MED13L: variants seen among roughly 807,000 people sequenced by gnomAD.
MED13L encodes the protein mediator complex subunit 13L.
MED13L carries 7 observed loss-of-function variants against 220.9 expected under a neutral mutation model. That is an observed-to-expected ratio of 0.03 (90% CI 0.02 to 0.06). The LOEUF (loss-of-function observed/expected upper bound fraction) is 0.06, where lower values mean the gene tolerates loss of function less well. Ranked by LOEUF, MED13L falls within the 10% of genes least tolerant of loss-of-function variation. The pLI is 1.00. For synonymous variants in MED13L, 1,011 were observed against 1,015.2 expected (o/e 1.00, Z 0.08); for missense variants, 1,965 against 2,760.5 (o/e 0.71, Z 6.46).
At chr12:116,256,943 G>A (rs1471815270) in intron 1 of MED13L, among the ~76,000 whole-genome samples, 1 of 152,032 alleles carries the variant, frequency 6.6e-6, no homozygotes, top group Non-Finnish European at 1.5e-5. Context: ...CCAAAGTGCT[G>A]GGATTACAGG....
chr12:115,961,290 G>A lies in MED13L; in HGVS notation c.6609C>T (p.Tyr2203=), dbSNP rs2137181966. 6.2e-7 allele frequency: 1 copy of A among 1,614,218 alleles called. No individual in the cohort carries two copies. Among genetic ancestry groups the A allele is most frequent in the Non-Finnish European group, 8.5e-7 (1 of 1,180,026 alleles). The change falls in exon 31 of 31, where the codon TAC becomes TAT. Residue 2203 remains tyrosine (Y), a synonymous_variant. Coordinates refer to ENST00000281928, the MANE Select transcript of MED13L (RefSeq NM_015335.5). The stretch of plus-strand genomic sequence containing the variant: ...ATTAAAGTATATTCATGATGGCATT[G>A]TACAACTGAGTGAGCACCACAAAGT... ...PVHFVVLTQL[Y]NAIMNIL
chr12:116,253,879 C>A (rs1370731365), intron 1 of MED13L, among the ~76,000 whole-genome samples: 2 of 150,596 alleles, frequency 1.3e-5, no homozygotes, highest in African/African-American at 4.9e-5. Context: ...CGTGCCTCGG[C>A]CTCCTGAGTA....
intron 2 of MED13L, among the ~76,000 whole-genome samples, chr12:116,172,968 A>C (rs1879789671): frequency 6.6e-6 from 1 of 151,852 alleles, no homozygotes. Context: ...CGTGCTATAC[A>C]ACAGATAAAA....
At chr12:116,206,888 T>C (rs1430027364) in intron 2 of MED13L, among the ~76,000 whole-genome samples, 1 of 152,164 alleles carries the variant, frequency 6.6e-6, no homozygotes, top group Non-Finnish European at 1.5e-5. Context: ...CTTTTTTTTA[T>C]ATATCCCCCC....
intron 2 of MED13L, among the ~76,000 whole-genome samples, chr12:116,139,970 CAAA>C (rs36124478): frequency 4.7e-5 from 3 of 63,890 alleles, no homozygotes; most frequent in African/African-American, 6.4e-5. Context: ...AACTCCATCT[CAAA>C]AAAAAAAAAA....
intron 4 of MED13L, among the ~76,000 whole-genome samples, chr12:116,033,637 G>A (rs1880990363): frequency 6.6e-6 from 1 of 152,184 alleles, no homozygotes; most frequent in African/African-American, 2.4e-5. Flanking sequence ...ATATGGTCAT[G>A]TCAGTTTGTG....
At chr12:116,261,516 G>A (rs972146720) in intron 1 of MED13L, among the ~76,000 whole-genome samples, 3 of 150,116 alleles carry the variant, frequency 2.0e-5, no homozygotes, top group Non-Finnish European at 4.4e-5. Context: ...AAAAAACTCT[G>A]GAAACAGGCA....
Position 115,975,664 on chromosome 12 carries a change from T to C in MED13L, c.5439A>G (p.Gly1813=). The C allele has an allele frequency of 6.2e-7, 1 of 1,614,012 alleles. No homozygotes were observed. Among genetic ancestry groups the C allele is most frequent in the Non-Finnish European group, 8.5e-7 (1 of 1,180,004 alleles). ...APIKDKQTEL[G]ETFGEASQKY... ...TCTGGCTCGCCTCACCAAACGTCTCTCCCAGCTCTGTCTGCTTGTCTTTGA... is the reference window on the plus strand; with the variant it reads ...TCTGGCTCGCCTCACCAAACGTCTCCCCCAGCTCTGTCTGCTTGTCTTTGA... Residue 1813 remains glycine (G), a synonymous_variant, in exon 24 of 31, where the codon GGA becomes GGG. Coordinates refer to ENST00000281928, the MANE Select transcript of MED13L (RefSeq NM_015335.5).
intron 1 of MED13L, among the ~76,000 whole-genome samples, chr12:116,247,699 A>ATG (rs1871208546): frequency 6.6e-6 from 1 of 152,182 alleles, no homozygotes; most frequent in South Asian, 2.1e-4. Context: ...GTATATATAT[A>ATG]TACACACACA....
intron 1 of MED13L, among the ~76,000 whole-genome samples, chr12:116,261,492 C>CA (rs35601745): frequency 0.023 from 1,316 of 57,878 alleles, 14 homozygotes; most frequent in African/African-American, 0.052. Context: ...AACTCAGTCT[C>CA]AAAAAAAAAA....
chr12:116,134,584 T>C (rs552741768), intron 2 of MED13L, among the ~76,000 whole-genome samples: 3 of 152,318 alleles, frequency 2.0e-5, no homozygotes, highest in African/African-American at 7.2e-5. Context: ...AGATTTTTCA[T>C]AAAACTTTCA....
At chr12:116,000,269 C>T (rs1362894943) in intron 14 of MED13L, among the ~76,000 whole-genome samples, 1 of 152,120 alleles carries the variant, frequency 6.6e-6, no homozygotes, top group African/African-American at 2.4e-5. Context: ...CACTTTGGTC[C>T]TCCAAAATAG....
chr12:115,978,686 G>A (rs138141129), intron 23 of MED13L, among the ~76,000 whole-genome samples: 121 of 152,210 alleles, frequency 7.9e-4, no homozygotes, highest in African/African-American at 2.8e-3. Context: ...CAATAAAGCT[G>A]TTATTAAAGC....
At chr12:115,962,617 A>C (rs951432787) in intron 30 of MED13L, 1 of 152,290 alleles carries the variant, frequency 6.6e-6, no homozygotes, top group Non-Finnish European at 1.5e-5. Flanking sequence ...TAAGAGTTAG[A>C]AAACATTAGA....
At chr12:116,004,285 C>T (rs186775744) in intron 13 of MED13L, among the ~76,000 whole-genome samples, 28 of 152,252 alleles carry the variant, frequency 1.8e-4, no homozygotes, top group Admixed American at 9.8e-4. Context: ...ACCCAGGCAG[C>T]ACTTGGCCTC....
rs763616244 is a variant in MED13L at position 116,019,785 on chromosome 12, T to C, written c.813A>G (p.Val271=). 4.3e-6 allele frequency: 7 copies of C among 1,613,826 alleles called. No individual in the cohort carries two copies. The highest frequency in any genetic ancestry group is 5.9e-6 in the Non-Finnish European group (7 of 1,179,760). ...CAAAATATTTTCTCTTACCAACAATTACTTCAACTGCCACAGGGAAATCAT... is the reference window on the plus strand; with the variant it reads ...CAAAATATTTTCTCTTACCAACAATCACTTCAACTGCCACAGGGAAATCAT... The part of the protein sequence containing the change: ...YDDDFPVAVE[V]IVGGVRMVYP... Residue 271 remains valine, a synonymous_variant, in exon 6 of 31, where the codon GTA becomes GTG. Coordinates refer to ENST00000281928, the MANE Select transcript of MED13L (RefSeq NM_015335.5).
In MED13L at chr12:116,096,768, C is replaced by G; in HGVS notation, c.396-16G>C. On this transcript the variant is annotated splice_polypyrimidine_tract_variant and intron_variant, in intron 3 of 30. Coordinates refer to ENST00000281928, the MANE Select transcript of MED13L (RefSeq NM_015335.5). The stretch of plus-strand genomic sequence containing the variant: ...CATTAGGCACCTAAAATAATTACAT[C>G]AAGAATTACTTTTATAGTATCAGTA... The G allele has an allele frequency of 6.3e-7, 1 of 1,588,790 alleles. No individual in the cohort carries two copies. The highest frequency in any genetic ancestry group is 1.3e-5 in the African/African-American group (1 of 74,482).
chr12:116,236,767 GCTCATAAAA>G (rs1593195297), intron 2 of MED13L: 32 of 846,488 alleles, frequency 3.8e-5, no homozygotes, highest in Non-Finnish European at 4.5e-5. Flanking sequence ...AAAAGTTCCT[GCTCATAAAA>G]CTGTGGTAAA....
chr12:116,276,448 A>G, intron 1 of MED13L: 1 of 1,288,854 alleles, frequency 7.8e-7, no homozygotes, highest in Non-Finnish European at 1.0e-6. Flanking sequence ...GGCTCGGTGC[A>G]ATGGCTTTAC....
Sources: allele counts gnomAD v4.1 joint callset (sites outside exome capture counted in the v4.1 genomes callset), GRCh38; gene constraint gnomAD v4.1.1; transcripts MANE v1.5; gene names NCBI Gene and HGNC (gene_info 2026-07-23, HGNC 2026-07-21).